Variants in TCF7L1 observed in about 807,000 individuals in gnomAD.
TCF7L1 encodes the protein transcription factor 7-like 1.
TCF7L1 carries 18 observed loss-of-function variants against 63.7 expected under a neutral mutation model. That is an observed-to-expected ratio of 0.28 (90% CI 0.20 to 0.42). TCF7L1 has a LOEUF of 0.42. Ranked by LOEUF, TCF7L1 falls within the 10% of genes least tolerant of loss-of-function variation. The pLI, the probability that TCF7L1 is intolerant of heterozygous loss-of-function variation, is 1.00. For synonymous variants in TCF7L1, 355 were observed against 340.9 expected, an observed-to-expected ratio of 1.04 and a Z score of -0.46; for missense variants, 654 against 779.3, an observed-to-expected ratio of 0.84 and a Z score of 1.91.
rs865915652 is a variant in TCF7L1 at position 85,233,281 on chromosome 2, T to G, written c.442-50214T>G. Among the ~76,000 whole-genome samples, 6 of 151,700 alleles carry G rather than the reference T, an allele frequency of 4.0e-5. No individual in the cohort carries two copies. The South Asian group carries it at 1.3e-3, about 32-fold the overall frequency. On this transcript the variant is annotated intron_variant, in intron 3 of 11. Coordinates refer to ENST00000282111, the MANE Select transcript of TCF7L1 (RefSeq NM_031283.3). ...CCTGACCTGAAGAGTCAGCACACTT[T>G]CTTTTTGTGTTCTCTAAAAAGGTTA... is the stretch of plus-strand genomic sequence containing the variant.
chr2:85,183,077 T>G (rs1678841131), intron 3 of TCF7L1, among the ~76,000 whole-genome samples: 1 of 152,158 alleles, frequency 6.6e-6, no homozygotes, highest in African/African-American at 2.4e-5. Context: ...CAAGGAAGCC[T>G]GAGAAATGTA....
intron 3 of TCF7L1, among the ~76,000 whole-genome samples, chr2:85,175,192 C>T (rs1678650529): frequency 2.0e-5 from 3 of 152,200 alleles, no homozygotes; most frequent in Admixed American, 2.0e-4. Flanking sequence ...TGAATGGAGA[C>T]ACCTGCTCAG....
intron 3 of TCF7L1, among the ~76,000 whole-genome samples, chr2:85,142,262 A>G (rs1677753879): frequency 6.6e-6 from 1 of 152,068 alleles, no homozygotes; most frequent in Non-Finnish European, 1.5e-5. Context: ...CCCCATTGCT[A>G]CAAAACATAC....
At chr2:85,252,117 G>A (rs62165593) in intron 3 of TCF7L1, among the ~76,000 whole-genome samples, 8,238 of 152,190 alleles carry the variant, frequency 0.054, 288 homozygotes, top group South Asian at 0.075. Flanking sequence ...CTGCTGCTGT[G>A]TGTGCATTGG....
intron 3 of TCF7L1, among the ~76,000 whole-genome samples, chr2:85,146,497 CTTTTTTT>C (rs554058692): frequency 9.7e-6 from 1 of 103,612 alleles, no homozygotes; most frequent in Non-Finnish European, 1.9e-5. Flanking sequence ...TTCTTTCTTT[CTTTTTTT>C]TTTTTTTTTT....
intron 3 of TCF7L1, among the ~76,000 whole-genome samples, chr2:85,148,253 C>A (rs1053120198): frequency 2.0e-5 from 3 of 151,874 alleles, no homozygotes; most frequent in Admixed American, 6.6e-5. Flanking sequence ...CTGAGACAGC[C>A]CTTTAATAAG....
intron 3 of TCF7L1, among the ~76,000 whole-genome samples, chr2:85,167,760 A>G (rs117532349): frequency 6.6e-6 from 1 of 152,248 alleles, no homozygotes; most frequent in East Asian, 1.9e-4. Flanking sequence ...GCTACTCGGG[A>G]GACTGAGGTG....
chr2:85,216,743 C>T (rs986827905), intron 3 of TCF7L1, among the ~76,000 whole-genome samples: 30 of 152,128 alleles, frequency 2.0e-4, no homozygotes, highest in Admixed American at 2.0e-3. Flanking sequence ...GGTCCCAGCC[C>T]TCCAGAGCTT....
intron 3 of TCF7L1, among the ~76,000 whole-genome samples, chr2:85,238,665 T>A (rs1032215421): frequency 2.0e-5 from 3 of 151,910 alleles, no homozygotes; most frequent in African/African-American, 7.3e-5. Flanking sequence ...AGTGAACAGA[T>A]GGAAACACCC....
chr2:85,242,343 T>C (rs930756528), intron 3 of TCF7L1, among the ~76,000 whole-genome samples: 2 of 152,204 alleles, frequency 1.3e-5, no homozygotes, highest in Non-Finnish European at 2.9e-5. Context: ...TCCACACTTT[T>C]CCATTTGTGA....
At chr2:85,211,547 AT>A (rs368583445) in intron 3 of TCF7L1, among the ~76,000 whole-genome samples, 6 of 152,298 alleles carry the variant, frequency 3.9e-5, no homozygotes, top group African/African-American at 1.4e-4. Context: ...GCTATGTGGG[AT>A]TTCATAAAAC....
chr2:85,220,707 C>T (rs6547600), intron 3 of TCF7L1, among the ~76,000 whole-genome samples: 75,347 of 152,058 alleles, frequency 0.5, 20,433 homozygotes, highest in African/African-American at 0.72. Context: ...TAACTATAAA[C>T]AACATTTTTA....
chr2:85,141,771 G>T (rs957352633), intron 3 of TCF7L1, among the ~76,000 whole-genome samples: 2 of 152,160 alleles, frequency 1.3e-5, no homozygotes, highest in African/African-American at 4.8e-5. Context: ...TGTATAGTAG[G>T]TGTCCCCCCA....
intron 3 of TCF7L1, among the ~76,000 whole-genome samples, chr2:85,186,168 C>T (rs1336318976): frequency 6.6e-6 from 1 of 152,038 alleles, no homozygotes. Flanking sequence ...GGGGTTTCAT[C>T]GTGTTAGCCA....
intron 3 of TCF7L1, among the ~76,000 whole-genome samples, chr2:85,235,638 C>T (rs971965243): frequency 4.6e-5 from 7 of 152,082 alleles, no homozygotes; most frequent in Admixed American, 2.0e-4. Flanking sequence ...ATACCTGTGA[C>T]GCTCTCCACT....
chr2:85,302,430 GTCATACTCTCCA>G, intron 4 of TCF7L1, 42 bp from the exon 5 acceptor site: 1 of 1,612,598 alleles, frequency 6.2e-7, no homozygotes, highest in Non-Finnish European at 8.5e-7. Flanking sequence ...ATAACAGCTG[GTCATACTCTCCA>G]TCTCCTTGGC....
intron 3 of TCF7L1, among the ~76,000 whole-genome samples, chr2:85,182,266 T>C (rs1446906745): frequency 6.6e-6 from 1 of 152,142 alleles, no homozygotes; most frequent in Non-Finnish European, 1.5e-5. Flanking sequence ...GCTGCTGGCC[T>C]GCGGGACCTG....
At chr2:85,212,793 T>TGCACA (rs1679603796) in intron 3 of TCF7L1, among the ~76,000 whole-genome samples, 1 of 152,130 alleles carries the variant, frequency 6.6e-6, no homozygotes, top group Non-Finnish European at 1.5e-5. Flanking sequence ...AGGTTGAGCA[T>TGCACA]GCACAGCCTT....
intron 6 of TCF7L1, 104 bp from the exon 7 acceptor site, chr2:85,304,151 C>G: frequency 7.4e-7 from 1 of 1,345,412 alleles, no homozygotes; most frequent in Non-Finnish European, 1.0e-6. Flanking sequence ...CCAGCATTAC[C>G]TTCCCGCTTC....
Sources: allele counts gnomAD v4.1 joint callset (sites outside exome capture counted in the v4.1 genomes callset), GRCh38; gene constraint gnomAD v4.1.1; transcripts MANE v1.5; gene names NCBI Gene and HGNC (gene_info 2026-07-23, HGNC 2026-07-21).